The following PSME3IP1 variants were observed in gnomAD, a reference collection of about 807,000 sequenced individuals.
The protein encoded by PSME3IP1 is PSME3-interacting protein.
Under a neutral mutation model 34.1 loss-of-function variants are expected in PSME3IP1, and 13 were observed. The observed-to-expected ratio is 0.38, with a 90% CI of 0.25 to 0.61. The LOEUF (loss-of-function observed/expected upper bound fraction) is 0.61. PSME3IP1 is among the 20% of genes least tolerant of loss of function. The pLI, the probability that PSME3IP1 is intolerant of heterozygous loss-of-function variation, is 0.60. For missense variants in PSME3IP1, 237 were observed against 301.4 expected (o/e 0.79, Z 1.58); for synonymous variants, 93 against 114.3 (o/e 0.81, Z 1.19).
At chr16:57,168,276 C>T (rs578099527) in intron 4 of PSME3IP1, among the ~76,000 whole-genome samples, 1 of 152,262 alleles carries the variant, frequency 6.6e-6, no homozygotes. Context: ...TATTTATCTA[C>T]GTGTCTTTGA....
chr16:57,170,285 T>C (rs1257187816), intron 4 of PSME3IP1, among the ~76,000 whole-genome samples: 6 of 151,966 alleles, frequency 3.9e-5, no homozygotes, highest in African/African-American at 1.5e-4. Flanking sequence ...GTTTCACCAT[T>C]TTGGCCAGGC....
At position 57,173,834 on chromosome 16, in the gene PSME3IP1, A is replaced by G; in HGVS notation, c.21T>C (p.Gly7=). 2.5e-6 allele frequency: 4 copies of G among 1,613,980 alleles called. No individual in the cohort carries two copies. Among genetic ancestry groups the G allele is most frequent in the Non-Finnish European group, 3.4e-6 (4 of 1,179,912 alleles). Residue 7 remains glycine (G), a synonymous_variant, in exon 2 of 7, where the codon GGT becomes GGC. Transcript: ENST00000309137. Reference sequence around the variant, plus strand: ...CAAACCTCTTTTTGATAATAAGGTTACCATCATCCCCTCCATCCATAATGA... The same window carrying G: ...CAAACCTCTTTTTGATAATAAGGTTGCCATCATCCCCTCCATCCATAATGA... The part of the protein sequence containing the change: MDGGDD[G]NLIIKKRFVS...
At chr16:57,176,037 G>A (rs1380882898) in intron 1 of PSME3IP1, among the ~76,000 whole-genome samples, 4 of 152,166 alleles carry the variant, frequency 2.6e-5, no homozygotes, top group Admixed American at 2.6e-4. Context: ...CCCACAACCT[G>A]GACACTTCTG....
intron 1 of PSME3IP1, among the ~76,000 whole-genome samples, chr16:57,183,481 C>T (rs1652897095): frequency 6.6e-6 from 1 of 151,902 alleles, no homozygotes; most frequent in Non-Finnish European, 1.5e-5. Context: ...TGCAGGTGCC[C>T]GCCACCATGA....
intron 6 of PSME3IP1, among the ~76,000 whole-genome samples, chr16:57,155,673 C>T (rs1198930699): frequency 1.3e-5 from 2 of 152,006 alleles, no homozygotes; most frequent in East Asian, 3.9e-4. Flanking sequence ...TGTGGTGACG[C>T]GTGCCTGTAA....
chr16:57,164,427 C>T (rs139975103), intron 5 of PSME3IP1, among the ~76,000 whole-genome samples: 67 of 152,214 alleles, frequency 4.4e-4, no homozygotes, highest in East Asian at 4.2e-3. Flanking sequence ...TTGAAGAAAA[C>T]ATCTTTAGTG....
intron 6 of PSME3IP1, among the ~76,000 whole-genome samples, chr16:57,157,050 G>A (rs998532153): frequency 5.3e-5 from 8 of 152,202 alleles, no homozygotes; most frequent in African/African-American, 1.9e-4. Flanking sequence ...GCTCATGCCT[G>A]TAATCCCAGC....
intron 6 of PSME3IP1, among the ~76,000 whole-genome samples, chr16:57,156,839 ACT>A (rs1567352745): frequency 6.6e-6 from 1 of 152,326 alleles, no homozygotes. Flanking sequence ...GGAACAGCAA[ACT>A]TCATTTGCTG....
At chr16:57,178,557 A>G (rs2073409512) in intron 1 of PSME3IP1, 1 of 985,464 alleles carries the variant, frequency 1.0e-6, no homozygotes, top group Non-Finnish European at 1.2e-6. Flanking sequence ...ATGAACTCAC[A>G]TGAATATTCC....
chr16:57,166,436 C>A (rs2071880136), intron 5 of PSME3IP1, among the ~76,000 whole-genome samples: 1 of 152,224 alleles, frequency 6.6e-6, no homozygotes, highest in Non-Finnish European at 1.5e-5. Context: ...CTGCCATGTT[C>A]TTTCAGGACA....
At chr16:57,161,185 G>C (rs1179287539) in intron 6 of PSME3IP1, among the ~76,000 whole-genome samples, 2 of 152,082 alleles carry the variant, frequency 1.3e-5, no homozygotes, top group Non-Finnish European at 2.9e-5. Flanking sequence ...ATGGAAATTC[G>C]AGACTCCAAA....
intron 1 of PSME3IP1, among the ~76,000 whole-genome samples, chr16:57,175,051 G>A (rs1307012601): frequency 2.2e-5 from 3 of 138,240 alleles, no homozygotes; most frequent in African/African-American, 8.1e-5. Context: ...GTCTCGTTCT[G>A]TCACCCAAGC....
intron 6 of PSME3IP1, among the ~76,000 whole-genome samples, chr16:57,163,157 T>TCC (rs2071467308): frequency 6.6e-6 from 1 of 150,820 alleles, no homozygotes; most frequent in East Asian, 1.9e-4. Flanking sequence ...AGAGTGAGAC[T>TCC]CCATCTCAAA....
chr16:57,155,195 C>A (rs2070374049), intron 6 of PSME3IP1, among the ~76,000 whole-genome samples: 1 of 152,264 alleles, frequency 6.6e-6, no homozygotes, highest in South Asian at 2.1e-4. Flanking sequence ...TGTTCTTTTA[C>A]AAATGAGAAA....
At chr16:57,165,420 A>G (rs546721539) in intron 5 of PSME3IP1, among the ~76,000 whole-genome samples, 3 of 152,308 alleles carry the variant, frequency 2.0e-5, no homozygotes, top group Non-Finnish European at 2.9e-5. Flanking sequence ...TTCATGAACT[A>G]GGTATCTGAC....
At position 57,154,559 on chromosome 16, in the gene PSME3IP1, G is replaced by A. The variant is rs1434676872; in HGVS notation, c.548-52C>T. 6.8e-7 allele frequency: 1 copy of A among 1,471,214 alleles called. No homozygotes were observed. The highest frequency in any genetic ancestry group is 1.3e-5 in the South Asian group (1 of 75,390). 91.1% of individuals were successfully genotyped at this position (1,471,214 alleles called of 1,614,324 possible). A position where few individuals can be genotyped will look rare whatever the true frequency, so the allele number is the denominator to read the frequency against. On this transcript the variant is annotated intron_variant, in intron 6 of 6. Transcript: ENST00000309137. The surrounding 1 kb of genome is among the most constrained non-coding windows in gnomAD (Gnocchi z 4.0). The stretch of plus-strand genomic sequence containing the variant: ...CTTCATCACCCTTTTCCAAAGTTGG[G>A]GACTGACTTACCATGTGCCAGGCAC...
At chr16:57,174,021 T>A in intron 1 of PSME3IP1, 152 bp from the exon 2 acceptor site, 1 of 765,474 alleles carries the variant, frequency 1.3e-6, no homozygotes, top group Non-Finnish European at 2.0e-6. Context: ...CTCGGCCGGG[T>A]GCGGTGGCTC....
chr16:57,176,609 CA>C (rs1332739558), intron 1 of PSME3IP1, among the ~76,000 whole-genome samples: 1 of 152,142 alleles, frequency 6.6e-6, no homozygotes, highest in African/African-American at 2.4e-5. Context: ...CAAAAAGAAT[CA>C]AATCTTTTCT....
At chr16:57,170,681 A>C (rs2072465023) in intron 4 of PSME3IP1, among the ~76,000 whole-genome samples, 1 of 152,188 alleles carries the variant, frequency 6.6e-6, no homozygotes, top group African/African-American at 2.4e-5. Flanking sequence ...CTTTTTTCTT[A>C]TGGAGCTCAT....
Sources: allele counts gnomAD v4.1 joint callset (sites outside exome capture counted in the v4.1 genomes callset), GRCh38; gene constraint gnomAD v4.1.1; non-coding constraint Gnocchi (gnomAD v3.1); transcripts MANE v1.5; gene names NCBI Gene and HGNC (gene_info 2026-07-23, HGNC 2026-07-21).